Variants in OR2L13 observed in about 807,000 individuals in gnomAD.
OR2L13 encodes olfactory receptor 2L13.
In OR2L13, 14 loss-of-function variants were observed where a neutral mutation model predicts 15.3. The observed-to-expected ratio is 0.91, with a 90% CI of 0.60 to 1.43. The LOEUF (loss-of-function observed/expected upper bound fraction) is 1.43. Among genes scored for constraint, OR2L13 ranks in the 40% most tolerant of loss-of-function variants. The pLI, the probability that OR2L13 is intolerant of heterozygous loss-of-function variation, is 0.00. For synonymous variants in OR2L13, 152 were observed against 142.9 expected, an observed-to-expected ratio of 1.06 and a Z score of -0.45; for missense variants, 367 against 387.9, an observed-to-expected ratio of 0.95 and a Z score of 0.45.
chr1:248,030,829 G>C, the OR2L13 span, among the ~76,000 whole-genome samples: 3 of 152,262 alleles, frequency 2.0e-5, no homozygotes, highest in African/African-American at 7.2e-5. Context: ...GCACGTGCCA[G>C]TGTGTGGAGA....
the OR2L13 span, among the ~76,000 whole-genome samples, chr1:247,987,291 A>G: frequency 6.6e-6 from 1 of 152,200 alleles, no homozygotes; most frequent in Non-Finnish European, 1.5e-5. Flanking sequence ...ATGGCTTTCT[A>G]CATATATAGT....
the OR2L13 span, among the ~76,000 whole-genome samples, chr1:248,018,098 T>C: frequency 1.4e-5 from 2 of 148,140 alleles, no homozygotes; most frequent in African/African-American, 2.6e-5. Flanking sequence ...GAGCTTGCAG[T>C]GAGCCGAGAT....
upstream of OR2L13, among the ~76,000 whole-genome samples, chr1:248,092,334 A>G (rs1179324147): frequency 6.6e-6 from 1 of 152,190 alleles, no homozygotes; most frequent in Non-Finnish European, 1.5e-5. Context: ...CTTAATGTGT[A>G]TGTACCTAAC....
chr1:247,998,373 A>T, the OR2L13 span, among the ~76,000 whole-genome samples: 1 of 152,060 alleles, frequency 6.6e-6, no homozygotes, highest in African/African-American at 2.4e-5. Context: ...AGTGAAATTA[A>T]CCCACATTCA....
At chr1:248,059,268 T>C in the OR2L13 span, among the ~76,000 whole-genome samples, 1 of 152,210 alleles carries the variant, frequency 6.6e-6, no homozygotes, top group Non-Finnish European at 1.5e-5. Context: ...CCAGTTCTTT[T>C]AGGCATACTG....
At chr1:248,082,404 C>T in the OR2L13 span, among the ~76,000 whole-genome samples, 22 of 140,648 alleles carry the variant, frequency 1.6e-4, no homozygotes, top group Non-Finnish European at 2.9e-4. Flanking sequence ...TGCTAGATGA[C>T]GAGTTAGTGG....
At chr1:247,997,224 T>C in the OR2L13 span, 3 of 152,198 alleles carry the variant, frequency 2.0e-5, no homozygotes, top group Non-Finnish European at 4.4e-5. Context: ...ATACCTTTTT[T>C]CCCATGTAGG....
At chr1:248,022,064 T>G in the OR2L13 span, 31 of 1,613,854 alleles carry the variant, frequency 1.9e-5, no homozygotes, top group East Asian at 6.7e-4. Flanking sequence ...TGGCTCTAAT[T>G]GGAAACCTAT....
the OR2L13 span, among the ~76,000 whole-genome samples, chr1:248,028,030 A>G: frequency 1.3e-5 from 2 of 150,138 alleles, no homozygotes; most frequent in African/African-American, 4.9e-5. Flanking sequence ...AGTCTCAGCT[A>G]CTCAGGAGGC....
At chr1:248,070,952 G>A in the OR2L13 span, among the ~76,000 whole-genome samples, 3 of 152,032 alleles carry the variant, frequency 2.0e-5, no homozygotes, top group Admixed American at 1.3e-4. Context: ...TGAATAGACT[G>A]ATAACAGGCT....
the OR2L13 span, among the ~76,000 whole-genome samples, chr1:248,042,891 AAAC>A: frequency 1.3e-5 from 2 of 152,246 alleles, no homozygotes; most frequent in African/African-American, 4.8e-5. Context: ...TCTTAACTAA[AAAC>A]AACAAAAATA....
chr1:248,006,241 ATATGTGTG>A, the OR2L13 span, among the ~76,000 whole-genome samples: 2 of 127,822 alleles, frequency 1.6e-5, no homozygotes, highest in Non-Finnish European at 3.3e-5. Context: ...ATATTGCAAG[ATATGTGTG>A]TGTGTGTGTG....
chr1:248,003,460 A>G, the OR2L13 span: 1 of 1,609,246 alleles, frequency 6.2e-7, no homozygotes, highest in Non-Finnish European at 8.5e-7. Context: ...CCGTTGTAGA[A>G]GCGCTACTCC....
At chr1:247,965,953 T>C in the OR2L13 span, 1 of 1,608,916 alleles carries the variant, frequency 6.2e-7, no homozygotes, top group Non-Finnish European at 8.5e-7. Flanking sequence ...TCAGGACACC[T>C]CCCAGTATGA....
the OR2L13 span, among the ~76,000 whole-genome samples, chr1:248,071,162 A>G: frequency 2.0e-5 from 3 of 152,324 alleles, no homozygotes; most frequent in East Asian, 5.8e-4. Context: ...AGCCAGGCAG[A>G]GACACAACCG....
At chr1:247,949,009 A>G in the OR2L13 span, 12 of 1,613,738 alleles carry the variant, frequency 7.4e-6, 1 homozygote, top group Non-Finnish European at 1.0e-5. Context: ...ATCTTCTTGG[A>G]CACCCATCTC....
At chr1:247,991,094 TCTACA>T in the OR2L13 span, 1 of 1,600,906 alleles carries the variant, frequency 6.2e-7, no homozygotes, top group Non-Finnish European at 8.6e-7. Flanking sequence ...CTGGCTGTCT[TCTACA>T]CCATCCTCAC....
the OR2L13 span, among the ~76,000 whole-genome samples, chr1:247,953,747 C>T: frequency 7.9e-5 from 12 of 152,134 alleles, no homozygotes; most frequent in African/African-American, 2.7e-4. Context: ...CATTCTAATA[C>T]TCTTTCGGTA....
the OR2L13 span, chr1:247,966,196 G>C: frequency 6.2e-7 from 1 of 1,613,888 alleles, no homozygotes; most frequent in Admixed American, 1.7e-5. Context: ...GGATAAGGCG[G>C]TGGCAGTATT....
Sources: allele counts gnomAD v4.1 joint callset (sites outside exome capture counted in the v4.1 genomes callset), GRCh38; gene constraint gnomAD v4.1.1; transcripts MANE v1.5; gene names NCBI Gene and HGNC (gene_info 2026-07-23, HGNC 2026-07-21).